Variants in ESR2 observed in about 807,000 individuals in gnomAD.
The protein encoded by ESR2 is estrogen receptor 2.
ESR2 carries 36 observed loss-of-function variants against 49.6 expected under a neutral mutation model. That is an observed-to-expected ratio of 0.73 (90% confidence interval 0.56 to 0.96). The LOEUF is 0.96. Among genes scored for constraint, ESR2 ranks in the 40% least tolerant of loss-of-function variants. The pLI is 0.00. For synonymous variants in ESR2, 320 were observed against 266.1 expected (o/e 1.20, Z -1.97); for missense variants, 714 against 693.0 (o/e 1.03, Z -0.34).
At chr14:64,228,126 A>T, downstream of ESR2, 1 of 1,153,970 alleles carries the variant, frequency 8.7e-7, no homozygotes, top group Non-Finnish European at 1.1e-6. Flanking sequence ...ACATTAAAGC[A>T]GAGCTTCTTA....
intron 1 of ESR2, among the ~76,000 whole-genome samples, chr14:64,309,508 G>A (rs1010455039): frequency 1.3e-5 from 2 of 151,212 alleles, no homozygotes; most frequent in East Asian, 1.9e-4. Flanking sequence ...CTACTCTGGA[G>A]GCTGAGGCAG....
chr14:64,315,466 T>C (rs1257038264), intron 1 of ESR2, among the ~76,000 whole-genome samples: 1 of 151,944 alleles, frequency 6.6e-6, no homozygotes, highest in African/African-American at 2.4e-5. Context: ...GTTATCTTTT[T>C]TTAATGTTTT....
At chr14:64,286,693 T>C (rs982294055) in intron 1 of ESR2, among the ~76,000 whole-genome samples, 15 of 152,088 alleles carry the variant, frequency 9.9e-5, no homozygotes, top group Admixed American at 9.2e-4. Flanking sequence ...GTGATAACTA[T>C]TGCCAAAACT....
At chr14:64,282,215 C>A (rs548151967) in intron 2 of ESR2, among the ~76,000 whole-genome samples, 1 of 152,080 alleles carries the variant, frequency 6.6e-6, no homozygotes, top group Non-Finnish European at 1.5e-5. Flanking sequence ...CGTGGTGGCA[C>A]GCGCCTGTAA....
At chr14:64,271,917 C>A (rs1290882075) in intron 3 of ESR2, among the ~76,000 whole-genome samples, 1 of 152,174 alleles carries the variant, frequency 6.6e-6, no homozygotes, top group African/African-American at 2.4e-5. Flanking sequence ...TGGGTGCATA[C>A]CCAGCAGTGG....
intron 5 of ESR2, among the ~76,000 whole-genome samples, chr14:64,257,798 G>T (rs1006757402): frequency 6.6e-6 from 1 of 152,136 alleles, no homozygotes; most frequent in Non-Finnish European, 1.5e-5. Context: ...TTGGAGGCTT[G>T]CAGAGAGCAG....
chr14:64,246,573 A>C (rs2075859677), intron 7 of ESR2, among the ~76,000 whole-genome samples: 1 of 151,902 alleles, frequency 6.6e-6, no homozygotes, highest in Non-Finnish European at 1.5e-5. Context: ...CTAAAAATAC[A>C]AAAATTAGCC....
At chr14:64,304,831 G>T (rs573128261) in intron 1 of ESR2, among the ~76,000 whole-genome samples, 213 of 152,036 alleles carry the variant, frequency 1.4e-3, no homozygotes, top group Middle Eastern at 6.8e-3. Context: ...AGCTGTGATT[G>T]TTCCACTGCA....
chr14:64,253,560 T>TTGTGTGTGTGTGTGTGTGTGTG (rs752711685), intron 6 of ESR2, among the ~76,000 whole-genome samples: 7 of 136,628 alleles, frequency 5.1e-5, no homozygotes, highest in East Asian at 4.1e-4. Flanking sequence ...GGTACACTAT[T>TTGTGTGTGTGTGTGTGTGTGTG]TGTGTGTGTG....
intron 1 of ESR2, among the ~76,000 whole-genome samples, chr14:64,327,143 C>T (rs1399502272): frequency 6.6e-6 from 1 of 152,174 alleles, no homozygotes; most frequent in Non-Finnish European, 1.5e-5. Context: ...TTTTGTTCCA[C>T]CTTTTCTCTT....
chr14:64,291,608 T>G lies in ESR2; in HGVS notation c.-91+2425A>C, dbSNP rs2076871266. Among the ~76,000 whole-genome samples, 4 of 152,326 alleles carry G rather than the reference T, an allele frequency of 2.6e-5. No individual in the cohort carries two copies. The South Asian group carries it at 8.3e-4, about 32-fold the overall frequency. On this transcript the variant is annotated intron_variant, in intron 1 of 8. Transcript: ENST00000341099. ...TAACTGTATACTGAATTGAATACTG[T>G]GTTAAACAGTGAAAAATATTAGTTT... is the stretch of plus-strand genomic sequence containing the variant.
intron 1 of ESR2, among the ~76,000 whole-genome samples, chr14:64,303,174 T>C (rs1414839704): frequency 6.6e-6 from 1 of 152,160 alleles, no homozygotes; most frequent in Non-Finnish European, 1.5e-5. Context: ...AATTTGGCCA[T>C]GGTGGAATAA....
intron 1 of ESR2, among the ~76,000 whole-genome samples, chr14:64,333,077 C>T (rs1438483450): frequency 6.6e-6 from 1 of 151,736 alleles, no homozygotes; most frequent in Non-Finnish European, 1.5e-5. Flanking sequence ...TGGGGTTTCA[C>T]CGTGTTAGCC....
rs2076548841 is a variant in ESR2 at position 64,275,873 on chromosome 14, A to G, written c.535+4108T>C. ...AAAATAGGTAAATTTTATTGTATGC[A>G]TATTATATCTCAAACTCAACTTTTA... On this transcript the variant is annotated intron_variant, in intron 3 of 8. Transcript: ENST00000341099. Among the ~76,000 whole-genome samples the G allele has an allele frequency of 3.3e-5, 5 of 152,328 alleles. No homozygotes were observed. In the South Asian group the frequency reaches 1.0e-3, roughly 32 times the overall value.
chr14:64,238,293 G>A (rs2075648547), intron 7 of ESR2, among the ~76,000 whole-genome samples: 1 of 152,168 alleles, frequency 6.6e-6, no homozygotes, highest in African/African-American at 2.4e-5. Context: ...ACAGCGGTTT[G>A]GGGAGGTGAG....
intron 3 of ESR2, among the ~76,000 whole-genome samples, chr14:64,275,597 G>T (rs1401904548): frequency 6.6e-6 from 1 of 152,020 alleles, no homozygotes; most frequent in African/African-American, 2.4e-5. Flanking sequence ...CAGCTACTTG[G>T]GAGGCTGAGG....
intron 4 of ESR2, among the ~76,000 whole-genome samples, chr14:64,262,006 A>T (rs968358766): frequency 5.9e-5 from 9 of 152,230 alleles, no homozygotes; most frequent in African/African-American, 2.2e-4. Context: ...ATTGGGCATT[A>T]AAAATCATTT....
chr14:64,251,319 AAAAC>A (rs1307504470), intron 6 of ESR2, among the ~76,000 whole-genome samples: 61 of 151,944 alleles, frequency 4.0e-4, no homozygotes, highest in African/African-American at 1.4e-3. Flanking sequence ...AAAAAAAAAA[AAAAC>A]AAAAAAACCC....
chr14:64,268,980 C>T, intron 3 of ESR2, 69 bp from the exon 4 acceptor site: 1 of 905,986 alleles, frequency 1.1e-6, no homozygotes, highest in South Asian at 1.4e-5. Flanking sequence ...TCCTGGTCAA[C>T]AACACTGATA....
Sources: gnomAD v4.1 joint callset for allele counts (sites outside exome capture counted in the v4.1 genomes callset) on GRCh38, gnomAD v4.1.1 for gene constraint, MANE v1.5 for transcripts, NCBI Gene and HGNC (gene_info 2026-07-23, HGNC 2026-07-21) for gene names.